The following SNX13 variants were observed in gnomAD, a reference collection of about 807,000 sequenced individuals.
SNX13 encodes sorting nexin-13.
A neutral mutation model predicts 133.6 loss-of-function variants in SNX13; 45 were observed. That is an observed-to-expected ratio of 0.34 (90% CI 0.27 to 0.43). The LOEUF (loss-of-function observed/expected upper bound fraction) is 0.43, where lower values mean the gene tolerates loss of function less well. SNX13 is among the 20% of genes least tolerant of loss of function. The pLI is 1.00. For missense variants in SNX13, 1,032 were observed against 1,145.1 expected (o/e 0.90, Z 1.43); for synonymous variants, 414 against 373.9 (o/e 1.11, Z -1.24).
chr7:17,874,544 T>C (rs956844061), intron 7 of SNX13, among the ~76,000 whole-genome samples: 2 of 151,636 alleles, frequency 1.3e-5, no homozygotes, highest in Non-Finnish European at 2.9e-5. Context: ...ACCTGAATTA[T>C]ACAATAAACA....
intron 22 of SNX13, among the ~76,000 whole-genome samples, chr7:17,801,032 A>ATACG (rs1459644203): frequency 5.0e-5 from 1 of 19,858 alleles, no homozygotes; most frequent in African/African-American, 1.5e-4. Context: ...ATATATATAT[A>ATACG]TATATATATA....
intron 18 of SNX13, among the ~76,000 whole-genome samples, chr7:17,820,498 T>C (rs1171877298): frequency 1.3e-5 from 2 of 152,102 alleles, no homozygotes; most frequent in African/African-American, 4.8e-5. Flanking sequence ...TCCAAAGTTA[T>C]TAATTTAATT....
intron 22 of SNX13, among the ~76,000 whole-genome samples, 155 bp downstream of exon 22, chr7:17,801,433 T>TA: frequency 6.6e-6 from 1 of 151,948 alleles, no homozygotes; most frequent in East Asian, 1.9e-4. Context: ...ATTAGAGTGT[T>TA]AATTACATGG....
At chr7:17,930,360 A>C (rs1197305613) in intron 1 of SNX13, among the ~76,000 whole-genome samples, 3 of 152,174 alleles carry the variant, frequency 2.0e-5, no homozygotes, top group Non-Finnish European at 4.4e-5. Flanking sequence ...ATCACTCTTA[A>C]CCAAAAGTAT....
At chr7:17,859,903 T>C (rs1473130288) in intron 9 of SNX13, among the ~76,000 whole-genome samples, 3 of 152,180 alleles carry the variant, frequency 2.0e-5, no homozygotes, top group East Asian at 1.9e-4. Flanking sequence ...CATTCATCTG[T>C]TGATAGACAC....
At chr7:17,934,693 G>T (rs1373292662) in intron 1 of SNX13, among the ~76,000 whole-genome samples, 1 of 152,156 alleles carries the variant, frequency 6.6e-6, no homozygotes, top group East Asian at 1.9e-4. Flanking sequence ...ACAATTTCAA[G>T]AAAATAACCA....
intron 2 of SNX13, among the ~76,000 whole-genome samples, chr7:17,894,604 T>C (rs1035419154): frequency 1.3e-5 from 2 of 152,126 alleles, no homozygotes; most frequent in African/African-American, 4.8e-5. Context: ...GGAAGATAAA[T>C]GGTGATTTAG....
rs1479821651 is a variant in SNX13 at position 17,890,450 on chromosome 7, T to A, written c.353A>T (p.Tyr118Phe). Residue 118 changes from tyrosine (Y) to phenylalanine (F), a missense_variant, in exon 5 of 26, where the codon TAT becomes TTT. Transcript: ENST00000428135. ...ATCATCGCTTAGTGTATAATACCAATACTGGACATAATCCCTCAAGGAAAA... is the reference window on the plus strand; with the variant it reads ...ATCATCGCTTAGTGTATAATACCAAAACTGGACATAATCCCTCAAGGAAAA... ...IQFSLRDYVQ[Y>F]WYYTLSDDES... 6.2e-7 allele frequency: 1 copy of A among 1,600,106 alleles called. No individual in the cohort carries two copies. The highest frequency in any genetic ancestry group is 8.5e-7 in the Non-Finnish European group (1 of 1,172,046).
At chr7:17,807,321 G>A (rs957939934) in intron 20 of SNX13, among the ~76,000 whole-genome samples, 20 of 152,306 alleles carry the variant, frequency 1.3e-4, no homozygotes, top group African/African-American at 4.6e-4. Flanking sequence ...AAGGCTTGAG[G>A]AGGTGGTTTT....
chr7:17,879,137 T>C (rs1004956287), intron 5 of SNX13, among the ~76,000 whole-genome samples: 1 of 152,224 alleles, frequency 6.6e-6, no homozygotes, highest in Non-Finnish European at 1.5e-5. Context: ...GTTGAATTAT[T>C]TGCTGTTAGA....
chr7:17,861,024 T>C (rs1014213870), intron 9 of SNX13, among the ~76,000 whole-genome samples: 3 of 152,138 alleles, frequency 2.0e-5, no homozygotes, highest in African/African-American at 7.2e-5. Flanking sequence ...TTTATTTGTG[T>C]CTTTTTTTTG....
chr7:17,884,853 A>C (rs1456124760), intron 5 of SNX13, among the ~76,000 whole-genome samples: 3 of 152,184 alleles, frequency 2.0e-5, no homozygotes, highest in Admixed American at 1.3e-4. Flanking sequence ...TGGTAACAAA[A>C]AGACAGACAA....
chr7:17,859,714 T>C (rs1479495120), intron 9 of SNX13, among the ~76,000 whole-genome samples: 2 of 152,192 alleles, frequency 1.3e-5, no homozygotes, highest in African/African-American at 4.8e-5. Context: ...ACCAACATTT[T>C]ACTAAGAGTT....
chr7:17,940,268 C>T lies in SNX13; in HGVS notation c.12+16G>A. ...CCCCATTTCACAGGTAAACACTGGC[C>T]ACCGTCGCCGCTTACCTCAGTTAAC... On this transcript the variant is annotated intron_variant, in intron 1 of 25. Transcript: ENST00000428135. The T allele has an allele frequency of 6.4e-7, 1 of 1,558,522 alleles. No individual in the cohort carries two copies. Among genetic ancestry groups the T allele is most frequent in the Non-Finnish European group, 8.7e-7 (1 of 1,151,050 alleles).
rs772366139 is a variant in SNX13 at position 17,794,116 on chromosome 7, G to A, written c.2803C>T (p.Arg935Trp). 2.2e-5 allele frequency: 36 copies of A among 1,611,458 alleles called. No individual in the cohort carries two copies. The East Asian group carries it at 2.9e-4, about 13-fold the overall frequency. The change falls in exon 26 of 26, where the codon CGG (arginine) becomes TGG (tryptophan). Residue 935 changes from arginine (R) to tryptophan (W), a missense_variant. Transcript: ENST00000428135. ...FRELFNKLHS[R>W]SKQMQKYKQK... ...TTATATTTCTGCATCTGCTTTGACC[G>A]TGAATGCAGTTTGTTGAAAAGTTCA...
intron 9 of SNX13, among the ~76,000 whole-genome samples, chr7:17,863,897 C>CTAA (rs1487576280): frequency 6.6e-6 from 1 of 152,150 alleles, no homozygotes; most frequent in African/African-American, 2.4e-5. Context: ...GGGAATTCTC[C>CTAA]TTTATCTTAC....
chr7:17,895,135 A>G lies in SNX13; in HGVS notation c.126-1701T>C, dbSNP rs1427522066. Reference sequence around the variant, plus strand: ...GTGTTATTAAAAACATCATCAAGAAACAGACTGATAAGACATTAATTTTTG... The same window carrying G: ...GTGTTATTAAAAACATCATCAAGAAGCAGACTGATAAGACATTAATTTTTG... On this transcript the variant is annotated intron_variant, in intron 2 of 25. Transcript: ENST00000428135. Among the ~76,000 whole-genome samples, 3 of 152,312 alleles carry G rather than the reference A, an allele frequency of 2.0e-5. No homozygotes were observed. In the East Asian group the frequency reaches 5.8e-4, roughly 29 times the overall value.
At chr7:17,821,801 A>G (rs1310154344) in intron 17 of SNX13, 153 bp from the exon 18 acceptor site, 20 of 816,442 alleles carry the variant, frequency 2.4e-5, no homozygotes, top group Non-Finnish European at 1.8e-5. Flanking sequence ...AGACAGAAGG[A>G]TGTCAGCAAA....
chr7:17,798,564 T>C (rs1784298077), intron 24 of SNX13, 126 bp downstream of exon 24: 3 of 643,920 alleles, frequency 4.7e-6, no homozygotes, highest in Non-Finnish European at 8.0e-6. Context: ...GAAGTCTTTT[T>C]GCTCATCAAT....
Sources: allele counts gnomAD v4.1 joint callset (sites outside exome capture counted in the v4.1 genomes callset), GRCh38; gene constraint gnomAD v4.1.1; transcripts MANE v1.5; gene names NCBI Gene and HGNC (gene_info 2026-07-23, HGNC 2026-07-21).